Variants in TIAM1 observed in about 807,000 individuals in gnomAD.
TIAM1 encodes the protein TIAM Rac1 associated GEF 1, also known as rho guanine nucleotide exchange factor TIAM1.
Under a neutral mutation model 163.5 loss-of-function variants are expected in TIAM1, and 65 were observed. The observed-to-expected ratio is 0.40, with a 90% CI of 0.33 to 0.49. TIAM1 has a LOEUF of 0.49. Ranked by LOEUF, TIAM1 falls within the 20% of genes least tolerant of loss-of-function variation. The pLI, the probability that TIAM1 is intolerant of heterozygous loss-of-function variation, is 0.77. For synonymous variants in TIAM1, 833 were observed against 810.1 expected, an observed-to-expected ratio of 1.03 and a Z score of -0.48; for missense variants, 1,789 against 2,044.7, an observed-to-expected ratio of 0.87 and a Z score of 2.41.
At chr21:31,269,190 G>T (rs568125862) in intron 3 of TIAM1, among the ~76,000 whole-genome samples, 1 of 152,308 alleles carries the variant, frequency 6.6e-6, no homozygotes, top group African/African-American at 2.4e-5. Flanking sequence ...CCTCAGGAGA[G>T]GTTTCCTGAA....
intron 13 of TIAM1, 61 bp from the exon 14 acceptor site, chr21:31,187,148 C>T: frequency 1.4e-6 from 2 of 1,458,294 alleles, no homozygotes; most frequent in Non-Finnish European, 9.6e-7. Flanking sequence ...TAGCAAACAA[C>T]AGGAAGTGCC....
In TIAM1 at chr21:31,464,845, GA is replaced by G. The variant is rs35141475; in HGVS notation, c.-421-811del. ...GTGATAGAGCAAGCTTCCGTCTCGGGAAAAAAAAAAAAAAAAAAGCCAGATG... is the reference window on the plus strand; with the variant it reads ...GTGATAGAGCAAGCTTCCGTCTCGGGAAAAAAAAAAAAAAAAAGCCAGATG... On this transcript the variant is annotated intron_variant, in intron 1 of 28. Transcript: ENST00000286827. Among the ~76,000 whole-genome samples, 307 of 100,338 alleles carry G rather than the reference GA, an allele frequency of 3.1e-3. 2 individuals carry two copies. Among genetic ancestry groups the G allele is most frequent in the South Asian group, 5.9e-3 (16 of 2,730 alleles). The allele number at this position is 100,338 out of a possible 152,430, so 65.8% of individuals were successfully genotyped here.
Position 31,517,062 on chromosome 21 carries a change from A to AG in TIAM1, c.-422+41864_-422+41865insC, listed in dbSNP as rs1556015047. On this transcript the variant is annotated intron_variant, in intron 1 of 28. Coordinates refer to the TIAM1 transcript ENST00000286827. ...AGACTCTGTCTCAAAAAAAAAAAAAAAAAAGAAAAGAAAAGAAAAGAATAC... is the reference window on the plus strand; with the variant it reads ...AGACTCTGTCTCAAAAAAAAAAAAAAGAAAAGAAAAGAAAAGAAAAGAATAC... Among the ~76,000 whole-genome samples the AG allele has an allele frequency of 2.6e-3, 397 of 151,348 alleles. 2 individuals are homozygous for AG. Among genetic ancestry groups the AG allele is most frequent in the African/African-American group, 7.0e-3 (290 of 41,148 alleles).
In TIAM1 at chr21:31,395,195, G is replaced by A. The variant is rs903518516; in HGVS notation, c.-368-55773C>T. On this transcript the variant is annotated intron_variant, in intron 2 of 28. Coordinates refer to the TIAM1 transcript ENST00000286827. This position sits in a 1 kb window ranked among gnomAD's most constrained non-coding sequence, Gnocchi z 7.5. ...AGAGGTTGCAGTAAGCTGAGATCGC[G>A]CCACCACACTCCAGCCTGGGCAACA... 1.1e-4 allele frequency among the ~76,000 whole-genome samples: 17 copies of A among 151,704 alleles called. No homozygotes were observed. The highest frequency in any genetic ancestry group is 5.3e-4 in the Admixed American group (8 of 15,214).
chr21:31,296,939 G>A (rs575317893), intron 2 of TIAM1, among the ~76,000 whole-genome samples: 136 of 151,984 alleles, frequency 8.9e-4, no homozygotes, highest in East Asian at 1.9e-3. Flanking sequence ...CTGGGATTAC[G>A]GGCATGAGCC....
chr21:31,452,030 C>G (rs2044879873), intron 2 of TIAM1, among the ~76,000 whole-genome samples: 1 of 152,114 alleles, frequency 6.6e-6, no homozygotes, highest in Non-Finnish European at 1.5e-5. Context: ...GGTTAAACTT[C>G]CAAGATTGGC....
intron 2 of TIAM1, among the ~76,000 whole-genome samples, chr21:31,401,163 T>C (rs750743599): frequency 9.2e-5 from 14 of 152,164 alleles, no homozygotes; most frequent in Non-Finnish European, 1.6e-4. Flanking sequence ...AGTAAACAAG[T>C]GCATATGAAA....
intron 2 of TIAM1, among the ~76,000 whole-genome samples, chr21:31,354,953 T>C (rs1315635804): frequency 6.6e-6 from 1 of 152,198 alleles, no homozygotes; most frequent in Non-Finnish European, 1.5e-5. Context: ...CACACCTTGC[T>C]TAGGCTCAGG....
At chr21:31,554,785 C>A (rs2048817430) in intron 1 of TIAM1, among the ~76,000 whole-genome samples, 1 of 152,182 alleles carries the variant, frequency 6.6e-6, no homozygotes, top group Non-Finnish European at 1.5e-5. Flanking sequence ...ATGCAGTCTC[C>A]CAGCTCTGCC....
At chr21:31,336,204 ATATT>A (rs1363968196) in intron 2 of TIAM1, among the ~76,000 whole-genome samples, 1 of 152,214 alleles carries the variant, frequency 6.6e-6, no homozygotes, top group East Asian at 1.9e-4. Flanking sequence ...CTGCTGGGAC[ATATT>A]TCTGTTATCT....
At chr21:31,286,550 A>AT (rs1466502248) in intron 2 of TIAM1, among the ~76,000 whole-genome samples, 2 of 151,238 alleles carry the variant, frequency 1.3e-5, no homozygotes, top group African/African-American at 4.9e-5. Flanking sequence ...TGTAAAAGCA[A>AT]TTAAAAAAAA....
intron 2 of TIAM1, among the ~76,000 whole-genome samples, chr21:31,455,279 C>CAA (rs59134253): frequency 0.017 from 1,416 of 83,958 alleles, 40 homozygotes; most frequent in African/African-American, 0.061. Flanking sequence ...AACTCTGCCT[C>CAA]AAAAAAAAAA....
At chr21:31,361,259 A>C (rs1268290636) in intron 2 of TIAM1, among the ~76,000 whole-genome samples, 1 of 152,278 alleles carries the variant, frequency 6.6e-6, no homozygotes, top group African/African-American at 2.4e-5. Context: ...TACTTAATAA[A>C]GTATGATTCC....
intron 2 of TIAM1, among the ~76,000 whole-genome samples, chr21:31,307,642 T>C (rs2074766002): frequency 6.6e-6 from 1 of 152,136 alleles, no homozygotes; most frequent in Non-Finnish European, 1.5e-5. Context: ...CCCACCAGCA[T>C]TTAATAAAGG....
intron 8 of TIAM1, among the ~76,000 whole-genome samples, chr21:31,218,198 T>A (rs1421482317): frequency 3.3e-5 from 5 of 152,306 alleles, no homozygotes; most frequent in African/African-American, 9.6e-5. Context: ...TTAGGATATA[T>A]AAAATCACGT....
chr21:31,201,680 A>G lies in TIAM1; in HGVS notation c.2493+1228T>C, dbSNP rs566531346. Among the ~76,000 whole-genome samples the G allele has an allele frequency of 2.0e-5, 3 of 152,198 alleles. No homozygotes were observed. In the South Asian group the frequency reaches 6.2e-4, roughly 31 times the overall value. On this transcript the variant is annotated intron_variant, in intron 12 of 27. Coordinates refer to ENST00000541036, the MANE Select transcript of TIAM1 (RefSeq NM_001353694.2). ...TTCCCTTTTCCAAAAAGAGAATAAT[A>G]CTTGGGTTTAAATGTTCAGTTCCGC...
intron 3 of TIAM1, among the ~76,000 whole-genome samples, chr21:31,272,658 C>T (rs2073112621): frequency 1.3e-5 from 2 of 152,046 alleles, no homozygotes; most frequent in Admixed American, 6.6e-5. Flanking sequence ...AAAAGTTGAA[C>T]AAACAAAACG....
rs543800282 is a variant in TIAM1 at position 31,161,861 on chromosome 21, T to C, written c.2991+3101A>G. ...TCTCAAGAAAAGCTTCACACTTATA[T>C]AGGAGACGCATCAAAAAATATTTAG... is the stretch of plus-strand genomic sequence containing the variant. On this transcript the variant is annotated intron_variant, in intron 16 of 27. Coordinates refer to ENST00000541036, the MANE Select transcript of TIAM1 (RefSeq NM_001353694.2). 5.9e-5 allele frequency among the ~76,000 whole-genome samples: 9 copies of C among 152,340 alleles called. No individual in the cohort carries two copies. In the South Asian group the frequency reaches 6.2e-4, roughly 11 times the overall value.
At chr21:31,420,657 A>C (rs979588334) in intron 2 of TIAM1, among the ~76,000 whole-genome samples, 1 of 152,186 alleles carries the variant, frequency 6.6e-6, no homozygotes, top group East Asian at 1.9e-4. Flanking sequence ...GTATTTTCCA[A>C]ACTTTGTCCA....
Sources: gnomAD v4.1 joint callset for allele counts (sites outside exome capture counted in the v4.1 genomes callset) on GRCh38, gnomAD v4.1.1 for gene constraint, Gnocchi (gnomAD v3.1) non-coding constraint, MANE v1.5 for transcripts, NCBI Gene and HGNC (gene_info 2026-07-23, HGNC 2026-07-21) for gene names.